Variants in ZFAT observed in about 807,000 individuals in gnomAD.
The protein encoded by ZFAT is zinc finger protein ZFAT.
Under a neutral mutation model 117.7 loss-of-function variants are expected in ZFAT, and 64 were observed. The ratio of observed to expected loss-of-function variants is 0.54; its 90% CI spans 0.44 to 0.67. The LOEUF is 0.67. Ranked by LOEUF, ZFAT falls within the 30% of genes least tolerant of loss-of-function variation. The pLI is 0.00. For synonymous variants in ZFAT, 679 were observed against 615.0 expected, an observed-to-expected ratio of 1.10 and a Z score of -1.54; for missense variants, 1,433 against 1,584.5, an observed-to-expected ratio of 0.90 and a Z score of 1.62.
intron 7 of ZFAT, chr8:134,598,056 C>T (rs966557184): frequency 1.5e-4 from 23 of 152,282 alleles, no homozygotes; most frequent in African/African-American, 3.1e-4. Context: ...CTTCAGATGA[C>T]GGACAAGTGT....
rs566167479 is a variant in ZFAT, at chr8:134,478,498, G to C, written c.3716C>G (p.Pro1239Arg). The C allele has an allele frequency of 7.8e-5, 122 of 1,574,092 alleles. 1 individual carries two copies. The South Asian group carries it at 1.2e-3, about 16-fold the overall frequency. The change falls in exon 16 of 16, where the codon CCG becomes CGG. Residue 1239 changes from proline (P) to arginine (R), a missense_variant. Physicochemically the swap from Pro to Arg is moderately radical, Grantham distance 103 (BLOSUM62 -2). Around this residue, in one of 5 missense-constraint regions of ZFAT, gnomAD observed 503 missense variants for 543.4 expected, o/e 0.93. Coordinates refer to ENST00000377838, the MANE Select transcript of ZFAT (RefSeq NM_020863.4). The surrounding 1 kb of genome is among the most constrained non-coding windows in gnomAD (Gnocchi z 5.2). Reference protein sequence around the residue: ...QPVEEQAVEQPAQEL With the variant: ...QPVEEQAVEQRAQEL ...ACATGTCCTCTAGAGTTCCTGGGCCGGCTGCTCCACAGCCTGCTCCTCCAC... is the reference window on the plus strand; with the variant it reads ...ACATGTCCTCTAGAGTTCCTGGGCCCGCTGCTCCACAGCCTGCTCCTCCAC...
At chr8:134,571,977 G>C (rs182371017) in intron 10 of ZFAT, among the ~76,000 whole-genome samples, 1 of 152,298 alleles carries the variant, frequency 6.6e-6, no homozygotes, top group East Asian at 1.9e-4. Context: ...GTCCTAAGGA[G>C]TTAATTCAAA....
chr8:134,768,523 C>A, the ZFAT span, among the ~76,000 whole-genome samples: 3 of 152,144 alleles, frequency 2.0e-5, no homozygotes, highest in African/African-American at 4.8e-5. Context: ...GCTGGGGAAG[C>A]CTCGCAATCA....
At chr8:134,687,262 G>A (rs956437377) in intron 1 of ZFAT, among the ~76,000 whole-genome samples, 6 of 152,296 alleles carry the variant, frequency 3.9e-5, no homozygotes, top group Middle Eastern at 6.8e-3. Context: ...CACAGTTAAC[G>A]TGTTTATTAA....
At chr8:134,579,323 T>G (rs900054370) in intron 10 of ZFAT, among the ~76,000 whole-genome samples, 11 of 152,150 alleles carry the variant, frequency 7.2e-5, no homozygotes, top group African/African-American at 2.4e-4. Context: ...AAAAAGAAGT[T>G]TAACGATTCA....
Position 134,653,419 on chromosome 8 carries a change from G to GTTTT in ZFAT, c.196+4138_196+4141dup, listed in dbSNP as rs61711569. The stretch of plus-strand genomic sequence containing the variant: ...ACTACAGGCACAAGCCGTTTTATCT[G>GTTTT]TTTTTTTTTTTTTTTTTTTTTTTTT... On this transcript the variant is annotated intron_variant, in intron 2 of 15. Transcript: ENST00000377838. Among the ~76,000 whole-genome samples, 71 of 51,332 alleles carry GTTTT rather than the reference G, an allele frequency of 1.4e-3. 5 individuals are homozygous for GTTTT. The highest frequency in any genetic ancestry group is 2.3e-3 in the East Asian group (3 of 1,318). The allele number at this position is 51,332 out of a possible 152,430, so 33.7% of individuals were successfully genotyped here. A position where few individuals can be genotyped will look rare whatever the true frequency, so the allele number is the denominator to read the frequency against.
the ZFAT span, among the ~76,000 whole-genome samples, chr8:134,763,925 T>C: frequency 7.2e-5 from 11 of 152,216 alleles, no homozygotes; most frequent in African/African-American, 2.4e-4. Context: ...CAGGTTTCCT[T>C]TCCTGGATAT....
In ZFAT at chr8:134,602,252, G is replaced by C; in HGVS notation, c.1467C>G (p.Val489=). The change falls in exon 6 of 16, where the codon GTC becomes GTG. Residue 489 remains valine, a synonymous_variant. Coordinates refer to ENST00000377838, the MANE Select transcript of ZFAT (RefSeq NM_020863.4). ...AGCTCTGGTTGATGGAACTGGTGAA[G>C]ACCAAGGCCTCCTGGGCAGCCCCGT... ...EVHGAAQEAL[V]FTSSINQSFC... The C allele has an allele frequency of 6.2e-7, 1 of 1,613,786 alleles. No individual in the cohort carries two copies. Among genetic ancestry groups the C allele is most frequent in the African/African-American group, 1.3e-5 (1 of 75,068 alleles).
chr8:134,711,125 T>G (rs1813981127), intron 1 of ZFAT, among the ~76,000 whole-genome samples: 1 of 152,156 alleles, frequency 6.6e-6, no homozygotes, highest in Admixed American at 6.5e-5. Flanking sequence ...GTGCAACTGT[T>G]GTTTTGTTTT....
intron 1 of ZFAT, among the ~76,000 whole-genome samples, chr8:134,667,485 T>G (rs1586920315): frequency 1.2e-5 from 1 of 86,954 alleles, no homozygotes; most frequent in Non-Finnish European, 2.1e-5. Flanking sequence ...AGAGTGAGAC[T>G]AAGTCTCAAA....
chr8:134,816,853 T>G, the ZFAT span, among the ~76,000 whole-genome samples: 1 of 151,830 alleles, frequency 6.6e-6, no homozygotes, highest in Non-Finnish European at 1.5e-5. Context: ...TGGTGGTGCA[T>G]GCCTATAATC....
intron 3 of ZFAT, among the ~76,000 whole-genome samples, chr8:134,628,090 A>G (rs1338854379): frequency 6.6e-6 from 1 of 152,188 alleles, no homozygotes. Flanking sequence ...GGGGAAATAA[A>G]GCTGTGACTT....
the ZFAT span, chr8:134,784,058 C>T: frequency 6.6e-6 from 1 of 152,156 alleles, no homozygotes; most frequent in Non-Finnish European, 1.5e-5. Context: ...GATCCAAGGC[C>T]CCAGGTAAAC....
chr8:134,647,831 T>C (rs1360808478), intron 2 of ZFAT, among the ~76,000 whole-genome samples: 1 of 152,172 alleles, frequency 6.6e-6, no homozygotes, highest in African/African-American at 2.4e-5. Flanking sequence ...ACCATATCAA[T>C]GAAAGACATT....
Position 134,584,014 on chromosome 8 carries a change from G to A in ZFAT, c.2714-9C>T, listed in dbSNP as rs1825891237. On this transcript the variant is annotated splice_polypyrimidine_tract_variant and intron_variant, in intron 9 of 15. Coordinates refer to ENST00000377838, the MANE Select transcript of ZFAT (RefSeq NM_020863.4). ...CTTGAAGGGCTTCACACCTGCCAAG[G>A]GAAAAATGTATATATCTCTATATAT... 3 of 1,549,514 alleles carry A rather than the reference G, an allele frequency of 1.9e-6. No individual in the cohort carries two copies. Among genetic ancestry groups the A allele is most frequent in the South Asian group, 2.4e-5 (2 of 83,548 alleles).
intron 14 of ZFAT, among the ~76,000 whole-genome samples, chr8:134,511,474 C>A (rs1466835190): frequency 6.6e-6 from 1 of 152,174 alleles, no homozygotes; most frequent in Non-Finnish European, 1.5e-5. Context: ...TGAACACAGC[C>A]CTGTCCATTA....
chr8:134,825,446 T>C, the ZFAT span, among the ~76,000 whole-genome samples: 3 of 152,180 alleles, frequency 2.0e-5, no homozygotes, highest in African/African-American at 2.4e-5. Flanking sequence ...AATTAACAGA[T>C]TGAAAAGAAA....
intron 15 of ZFAT, among the ~76,000 whole-genome samples, chr8:134,488,113 G>C (rs1472987812): frequency 6.6e-6 from 1 of 152,238 alleles, no homozygotes; most frequent in African/African-American, 2.4e-5. Flanking sequence ...GTTCCAGGGG[G>C]ACGTCTAGGG....
At chr8:134,698,876 A>C (rs1833942248) in intron 1 of ZFAT, among the ~76,000 whole-genome samples, 1 of 152,214 alleles carries the variant, frequency 6.6e-6, no homozygotes, top group Non-Finnish European at 1.5e-5. Flanking sequence ...TTCTGTGGGC[A>C]TTTCTTACAT....
Sources: gnomAD v4.1 joint callset for allele counts (sites outside exome capture counted in the v4.1 genomes callset) on GRCh38, gnomAD v4.1.1 for gene constraint, gnomAD v4.1.1 regional missense constraint, Gnocchi (gnomAD v3.1) non-coding constraint, MANE v1.5 for transcripts, NCBI Gene and HGNC (gene_info 2026-07-23, HGNC 2026-07-21) for gene names.